Variants in BTBD9 observed in about 807,000 individuals in gnomAD.
BTBD9 encodes BTB/POZ domain-containing protein 9.
In BTBD9, 49 loss-of-function variants were observed where a neutral mutation model predicts 64.3. The ratio of observed to expected loss-of-function variants is 0.76; its 90% CI spans 0.61 to 0.97. The LOEUF (loss-of-function observed/expected upper bound fraction) is 0.97, where lower values mean the gene tolerates loss of function less well. Among genes scored for constraint, BTBD9 ranks in the 50% least tolerant of loss-of-function variants. The pLI is 0.00. For missense variants in BTBD9, 598 were observed against 762.1 expected (o/e 0.78, Z 2.53); for synonymous variants, 260 against 274.7 (o/e 0.95, Z 0.53).
intron 10 of BTBD9, among the ~76,000 whole-genome samples, chr6:38,178,140 T>C (rs1398563659): frequency 1.3e-5 from 2 of 152,348 alleles, no homozygotes; most frequent in African/African-American, 2.4e-5. Flanking sequence ...ACGCAGGTGC[T>C]GCCAGATTCA....
intron 6 of BTBD9, among the ~76,000 whole-genome samples, chr6:38,495,564 G>T (rs927262575): frequency 3.3e-5 from 5 of 152,200 alleles, no homozygotes; most frequent in African/African-American, 1.2e-4. Context: ...GAAAGGGGAG[G>T]AAAAGGAACA....
At chr6:38,425,115 CTTTT>C (rs10717521) in intron 6 of BTBD9, among the ~76,000 whole-genome samples, 2 of 135,558 alleles carry the variant, frequency 1.5e-5, no homozygotes, top group Non-Finnish European at 3.1e-5. Flanking sequence ...CGTGCCCGGC[CTTTT>C]TTTTTTTTTT....
rs55979438 is a variant in BTBD9 at position 38,527,263 on chromosome 6, CAAAAAAAAAAAAAA to C, written c.1154+50323_1154+50336del. On this transcript the variant is annotated intron_variant, in intron 6 of 10. Coordinates refer to ENST00000481247, the MANE Select transcript of BTBD9 (RefSeq NM_001099272.2). ...TGCACTCCAGAGCGAGACTCTGTCTCAAAAAAAAAAAAAAAAAAAAAAAAAAAAAAAAAGATGTG... is the reference window on the plus strand; with the variant it reads ...TGCACTCCAGAGCGAGACTCTGTCTCAAAAAAAAAAAAAAAAAAAGATGTG... Among the ~76,000 whole-genome samples the C allele has an allele frequency of 2.2e-4, 12 of 53,338 alleles. No individual in the cohort carries two copies. The East Asian group carries it at 2.8e-3, about 13-fold the overall frequency. 35.0% of individuals were successfully genotyped at this position (53,338 alleles called of 152,430 possible).
chr6:38,230,801 T>G (rs1346800939), intron 9 of BTBD9, among the ~76,000 whole-genome samples: 1 of 152,210 alleles, frequency 6.6e-6, no homozygotes, highest in Non-Finnish European at 1.5e-5. Flanking sequence ...GGCTTCTATC[T>G]ATCACTTATT....
In BTBD9 at chr6:38,174,979, C is replaced by T; in HGVS notation, c.*6G>A. 6.2e-7 allele frequency: 1 copy of T among 1,613,684 alleles called. No homozygotes were observed. Among genetic ancestry groups the T allele is most frequent in the Admixed American group, 1.7e-5 (1 of 60,034 alleles). On this transcript the variant is annotated 3_prime_UTR_variant, in exon 11 of 11. Transcript: ENST00000481247. ...CCACCAAGTCACACCAGGCCCGCTG[C>T]CTCCTTTATTGGTGCTGCCGGTTGG...
At chr6:38,522,371 C>T (rs145547202) in intron 6 of BTBD9, among the ~76,000 whole-genome samples, 1 of 152,276 alleles carries the variant, frequency 6.6e-6, no homozygotes, top group African/African-American at 2.4e-5. Context: ...AGTCCCTATA[C>T]TCTACTGAAA....
intron 4 of BTBD9, among the ~76,000 whole-genome samples, chr6:38,591,314 C>A (rs527309336): frequency 6.6e-6 from 1 of 152,266 alleles, no homozygotes; most frequent in African/African-American, 2.4e-5. Context: ...TGATTCTTCC[C>A]ATCTGAAATT....
At chr6:38,515,016 G>GA (rs1243972913) in intron 6 of BTBD9, among the ~76,000 whole-genome samples, 1 of 151,870 alleles carries the variant, frequency 6.6e-6, no homozygotes, top group East Asian at 1.9e-4. Context: ...ATTTTTAGTA[G>GA]ACCTACTTAT....
intron 6 of BTBD9, among the ~76,000 whole-genome samples, chr6:38,456,078 G>C (rs1769791822): frequency 6.6e-6 from 1 of 152,076 alleles, no homozygotes; most frequent in Non-Finnish European, 1.5e-5. Flanking sequence ...CTGCCTCCGG[G>C]GATCAATCAA....
chr6:38,422,578 T>C (rs945658167), intron 6 of BTBD9, among the ~76,000 whole-genome samples: 1 of 152,168 alleles, frequency 6.6e-6, no homozygotes, highest in Non-Finnish European at 1.5e-5. Flanking sequence ...AGAACCAATG[T>C]TCTAAATGAA....
chr6:38,425,958 A>ACACACACACACACACAC (rs1554150450), intron 6 of BTBD9, among the ~76,000 whole-genome samples: 1 of 150,252 alleles, frequency 6.7e-6, no homozygotes, highest in Non-Finnish European at 1.5e-5. Flanking sequence ...ACACACACAC[A>ACACACACACACACACAC]AACAAAAGCA....
chr6:38,335,657 T>A (rs1763864477), intron 7 of BTBD9, among the ~76,000 whole-genome samples: 2 of 151,164 alleles, frequency 1.3e-5, no homozygotes, highest in African/African-American at 4.9e-5. Flanking sequence ...CCTCTGCCTC[T>A]CAGGTTCAAG....
At chr6:38,391,011 A>G (rs976529662) in intron 6 of BTBD9, among the ~76,000 whole-genome samples, 1 of 152,222 alleles carries the variant, frequency 6.6e-6, no homozygotes, top group Non-Finnish European at 1.5e-5. Flanking sequence ...TTATATGCTT[A>G]TACTTATTGT....
chr6:38,489,716 CTTTG>C (rs763104058), intron 6 of BTBD9, among the ~76,000 whole-genome samples: 137 of 152,290 alleles, frequency 9.0e-4, no homozygotes, highest in Non-Finnish European at 1.6e-3. Flanking sequence ...AATGGTTTCT[CTTTG>C]TTTCACACTG....
intron 6 of BTBD9, among the ~76,000 whole-genome samples, chr6:38,572,482 T>C (rs1374776763): frequency 6.6e-6 from 1 of 152,112 alleles, no homozygotes; most frequent in African/African-American, 2.4e-5. Context: ...ACCCTTTCTT[T>C]TTTCTATGAC....
At chr6:38,232,153 A>G (rs1029273501) in intron 9 of BTBD9, among the ~76,000 whole-genome samples, 10 of 152,230 alleles carry the variant, frequency 6.6e-5, no homozygotes, top group African/African-American at 2.2e-4. Context: ...TCATGGTCAC[A>G]AAACAGGACA....
intron 9 of BTBD9, among the ~76,000 whole-genome samples, chr6:38,223,622 C>A (rs140788049): frequency 8.1e-4 from 124 of 152,266 alleles, no homozygotes; most frequent in African/African-American, 2.7e-3. Context: ...TAGGTGTGAA[C>A]CACTGCACTC....
chr6:38,588,359 C>T, intron 4 of BTBD9: 2 of 870,490 alleles, frequency 2.3e-6, no homozygotes, highest in Non-Finnish European at 2.0e-6. Flanking sequence ...TATACTGTGG[C>T]CCCTGCCTCT....
At chr6:38,263,024 T>C (rs1764847457) in intron 8 of BTBD9, among the ~76,000 whole-genome samples, 1 of 152,244 alleles carries the variant, frequency 6.6e-6, no homozygotes, top group Non-Finnish European at 1.5e-5. Flanking sequence ...TGCTAAATTT[T>C]CTCATTTGGG....
Sources: allele counts gnomAD v4.1 joint callset (sites outside exome capture counted in the v4.1 genomes callset), GRCh38; gene constraint gnomAD v4.1.1; transcripts MANE v1.5; gene names NCBI Gene and HGNC (gene_info 2026-07-23, HGNC 2026-07-21).